The following IPO8 variants were observed in gnomAD, a reference collection of about 807,000 sequenced individuals.
IPO8 encodes importin 8.
In IPO8, 65 loss-of-function variants were observed where a neutral mutation model predicts 141.2. The ratio of observed to expected loss-of-function variants is 0.46; its 90% CI spans 0.38 to 0.57. The LOEUF (loss-of-function observed/expected upper bound fraction) is 0.57, where lower values mean the gene tolerates loss of function less well. Among genes scored for constraint, IPO8 ranks in the 20% least tolerant of loss-of-function variants. The pLI is 0.00. For synonymous variants in IPO8, 411 were observed against 420.3 expected (o/e 0.98, Z 0.27); for missense variants, 980 against 1,246.8 (o/e 0.79, Z 3.22).
At chr12:30,676,083 A>C (rs1185637048) in intron 6 of IPO8, among the ~76,000 whole-genome samples, 1 of 151,410 alleles carries the variant, frequency 6.6e-6, no homozygotes, top group Non-Finnish European at 1.5e-5. Flanking sequence ...ACATCTAGCT[A>C]TTTTTCTTTT....
intron 24 of IPO8, 195 bp downstream of exon 24, chr12:30,631,700 G>T (rs1363506601): frequency 4.0e-6 from 2 of 494,696 alleles, no homozygotes; most frequent in East Asian, 7.0e-5. Flanking sequence ...ACATATTAAT[G>T]TGCAGGTTTT....
chr12:30,671,509 T>A (rs1371623654), intron 8 of IPO8, among the ~76,000 whole-genome samples: 1 of 151,644 alleles, frequency 6.6e-6, no homozygotes, highest in East Asian at 1.9e-4. Flanking sequence ...CCGTCTCTAC[T>A]GAAAACACAA....
intron 1 of IPO8, among the ~76,000 whole-genome samples, chr12:30,691,330 C>A (rs921457148): frequency 6.6e-6 from 1 of 152,182 alleles, no homozygotes; most frequent in African/African-American, 2.4e-5. Flanking sequence ...TCATCACCAG[C>A]TGCCCTCTAC....
chr12:30,634,129 A>G lies in IPO8; in HGVS notation c.2853T>C (p.Leu951=), dbSNP rs1466781590. Reference sequence around the variant, plus strand: ...ACTGATATTCATCCACACTATTGTCAAGGTCAAGTGGAGTACTGAACCCCT... The same window carrying G: ...ACTGATATTCATCCACACTATTGTCGAGGTCAAGTGGAGTACTGAACCCCT... ...ALEGFSTPLD[L]DNSVDEYQFF... The change falls in exon 23 of 25, where the codon CTT becomes CTC. Residue 951 remains leucine (L), a synonymous_variant. Coordinates refer to ENST00000256079, the MANE Select transcript of IPO8 (RefSeq NM_006390.4). The G allele has an allele frequency of 6.2e-7, 1 of 1,613,946 alleles. No homozygotes were observed. The highest frequency in any genetic ancestry group is 1.7e-5 in the Admixed American group (1 of 60,010).
chr12:30,695,415 G>C lies in IPO8; in HGVS notation c.84+149C>G. Reference sequence around the variant, plus strand: ...GGAGCCCTGCTCCACTGGACCGGGGGGCAGCGGGGTCGGAGAGCGGGACCA... The same window carrying C: ...GGAGCCCTGCTCCACTGGACCGGGGCGCAGCGGGGTCGGAGAGCGGGACCA... On this transcript the variant is annotated intron_variant, in intron 1 of 24. Transcript: ENST00000256079. This position sits in a 1 kb window ranked among gnomAD's most constrained non-coding sequence, Gnocchi z 4.2. The C allele has an allele frequency of 1.6e-6, 1 of 644,768 alleles. No individual in the cohort carries two copies. The highest frequency in any genetic ancestry group is 2.7e-6 in the Non-Finnish European group (1 of 366,726). The allele number at this position is 644,768 out of a possible 1,614,324, so 39.9% of individuals were successfully genotyped here.
intron 1 of IPO8, among the ~76,000 whole-genome samples, chr12:30,694,121 C>G (rs1010447401): frequency 1.3e-5 from 2 of 152,134 alleles, no homozygotes; most frequent in Admixed American, 1.3e-4. Flanking sequence ...GGGTCATAAA[C>G]AGGCCAACTC....
intron 20 of IPO8, among the ~76,000 whole-genome samples, chr12:30,644,229 A>G (rs1286513591): frequency 2.0e-5 from 3 of 152,170 alleles, no homozygotes; most frequent in East Asian, 1.9e-4. Context: ...TGAGCTGGGC[A>G]TGGTGGCATA....
chr12:30,645,076 T>C (rs2052625924), intron 20 of IPO8, among the ~76,000 whole-genome samples: 1 of 151,802 alleles, frequency 6.6e-6, no homozygotes. Context: ...GATACAGGCA[T>C]TGTAAAAGAG....
intron 10 of IPO8, among the ~76,000 whole-genome samples, chr12:30,667,463 T>A (rs12579337): frequency 0.51 from 77,248 of 152,018 alleles, 19,828 homozygotes; most frequent in African/African-American, 0.54. Flanking sequence ...ATAAAAAGAA[T>A]AAACTAAAAC....
In IPO8 at chr12:30,695,834, T is replaced by C. The variant is rs575344974; in HGVS notation, c.-187A>G. 5.2e-3 allele frequency: 2,639 copies of C among 507,840 alleles called. 9 individuals are homozygous for C. The highest frequency in any genetic ancestry group is 6.6e-3 in the Middle Eastern group (17 of 2,576). The allele number at this position is 507,840 out of a possible 1,614,324, so 31.5% of individuals were successfully genotyped here. A position where few individuals can be genotyped will look rare whatever the true frequency, so the allele number is the denominator to read the frequency against. ...CTCCGCGCCCCCTGTCCTCCCTTTT[T>C]CCCCCCCACAACTCGCTCTCCATTC... is the stretch of plus-strand genomic sequence containing the variant. On this transcript the variant is annotated 5_prime_UTR_variant, in exon 1 of 25. Coordinates refer to ENST00000256079, the MANE Select transcript of IPO8 (RefSeq NM_006390.4). This position sits in a 1 kb window ranked among gnomAD's most constrained non-coding sequence, Gnocchi z 4.2.
intron 20 of IPO8, among the ~76,000 whole-genome samples, chr12:30,644,109 T>C (rs1452099447): frequency 6.6e-6 from 1 of 152,220 alleles, no homozygotes; most frequent in Non-Finnish European, 1.5e-5. Flanking sequence ...AGTTCACACC[T>C]GTAATCCCAG....
chr12:30,682,840 C>T (rs2053202585), intron 3 of IPO8, among the ~76,000 whole-genome samples: 5 of 152,072 alleles, frequency 3.3e-5, no homozygotes, highest in African/African-American at 1.2e-4. Context: ...TTTGAAAAAT[C>T]CCTTTGTAAT....
chr12:30,633,301 A>G (rs1398981130), intron 23 of IPO8, among the ~76,000 whole-genome samples: 1 of 152,246 alleles, frequency 6.6e-6, no homozygotes, highest in African/African-American at 2.4e-5. Flanking sequence ...AATGGTAAAA[A>G]CATTGGAAAC....
intron 7 of IPO8, 123 bp from the exon 8 acceptor site, chr12:30,674,197 CT>C: frequency 1.7e-5 from 10 of 590,108 alleles, no homozygotes; most frequent in South Asian, 5.5e-5. Context: ...CTAACACTGC[CT>C]TTTTTTCCCA....
chr12:30,692,702 G>C (rs2053302420), intron 1 of IPO8, among the ~76,000 whole-genome samples: 1 of 152,086 alleles, frequency 6.6e-6, no homozygotes, highest in Non-Finnish European at 1.5e-5. Context: ...ATGCCAAGTT[G>C]AGGGCCTTTT....
intron 17 of IPO8, among the ~76,000 whole-genome samples, chr12:30,653,604 G>A (rs1279047841): frequency 6.6e-6 from 1 of 151,982 alleles, no homozygotes; most frequent in African/African-American, 2.4e-5. Flanking sequence ...TATTCTTCAA[G>A]TTAATCAAGA....
chr12:30,664,889 G>T (rs1434031144), intron 13 of IPO8, among the ~76,000 whole-genome samples: 1 of 152,116 alleles, frequency 6.6e-6, no homozygotes, highest in East Asian at 1.9e-4. Flanking sequence ...ACAGGCGCCT[G>T]CCATGAAGCC....
intron 4 of IPO8, among the ~76,000 whole-genome samples, chr12:30,681,451 C>G (rs1005417664): frequency 2.6e-5 from 4 of 152,216 alleles, no homozygotes; most frequent in African/African-American, 9.6e-5. Context: ...TATTATATCA[C>G]TGTCTCAGAG....
At chr12:30,631,563 G>A (rs1176827555) in intron 24 of IPO8, 3 of 183,060 alleles carry the variant, frequency 1.6e-5, no homozygotes, top group South Asian at 3.2e-4. Context: ...TTTGGCCCAC[G>A]GTTGAAATGT....
Sources: gnomAD v4.1 joint callset for allele counts (sites outside exome capture counted in the v4.1 genomes callset) on GRCh38, gnomAD v4.1.1 for gene constraint, Gnocchi (gnomAD v3.1) non-coding constraint, MANE v1.5 for transcripts, NCBI Gene and HGNC (gene_info 2026-07-23, HGNC 2026-07-21) for gene names.